Variants in KDM4C observed in about 807,000 individuals in gnomAD.
KDM4C encodes the protein lysine-specific demethylase 4C.
In KDM4C, 81 loss-of-function variants were observed where a neutral mutation model predicts 129.3. That is an observed-to-expected ratio of 0.63 (90% CI 0.52 to 0.75). The LOEUF (loss-of-function observed/expected upper bound fraction) is 0.75. Among genes scored for constraint, KDM4C ranks in the 30% least tolerant of loss-of-function variants. The pLI is 0.00. For synonymous variants in KDM4C, 573 were observed against 456.1 expected, an observed-to-expected ratio of 1.26 and a Z score of -3.26; for missense variants, 1,457 against 1,304.0, an observed-to-expected ratio of 1.12 and a Z score of -1.81.
intron 8 of KDM4C, among the ~76,000 whole-genome samples, chr9:6,918,800 G>C (rs992780615): frequency 4.6e-5 from 7 of 151,448 alleles, no homozygotes; most frequent in Admixed American, 3.3e-4. Context: ...TCATATCTTT[G>C]TTGGCCGCTT....
chr9:6,992,559 A>G (rs988259886), intron 12 of KDM4C, among the ~76,000 whole-genome samples: 14 of 152,214 alleles, frequency 9.2e-5, no homozygotes, highest in South Asian at 2.1e-4. Context: ...GCAACAGAGA[A>G]TATTCTGTTG....
chr9:7,126,042 A>T (rs1261276086), intron 18 of KDM4C, among the ~76,000 whole-genome samples: 1 of 152,210 alleles, frequency 6.6e-6, no homozygotes, highest in Admixed American at 6.5e-5. Context: ...AACCCAAATG[A>T]CAACAAACTA....
chr9:7,140,732 T>C (rs1841662807), intron 19 of KDM4C, among the ~76,000 whole-genome samples: 1 of 152,106 alleles, frequency 6.6e-6, no homozygotes, highest in East Asian at 1.9e-4. Flanking sequence ...TCTGGGAAAA[T>C]GATAGCAGTA....
chr9:6,830,140 C>T (rs115194691), intron 4 of KDM4C, among the ~76,000 whole-genome samples: 2,803 of 152,094 alleles, frequency 0.018, 72 homozygotes, highest in African/African-American at 0.063. Flanking sequence ...AGGAGAAATA[C>T]GGATACAAAT....
intron 2 of KDM4C, among the ~76,000 whole-genome samples, chr9:6,801,482 C>G (rs1460915916): frequency 1.3e-5 from 2 of 151,308 alleles, no homozygotes; most frequent in African/African-American, 2.4e-5. Flanking sequence ...CGTGATCCAC[C>G]CGCCTTGGCC....
At chr9:6,778,494 C>CGGTA (rs912161198) in intron 1 of KDM4C, among the ~76,000 whole-genome samples, 3 of 151,280 alleles carry the variant, frequency 2.0e-5, no homozygotes, top group Non-Finnish European at 4.4e-5. Flanking sequence ...AGGCCCGGTG[C>CGGTA]GGTAGCTCAC....
intron 8 of KDM4C, among the ~76,000 whole-genome samples, chr9:6,973,228 A>T (rs980414184): frequency 1.3e-5 from 2 of 152,128 alleles, no homozygotes; most frequent in Non-Finnish European, 2.9e-5. Flanking sequence ...TTCTCCCCAG[A>T]TATGGGGTCT....
At chr9:7,051,120 A>G (rs1830097989) in intron 17 of KDM4C, among the ~76,000 whole-genome samples, 1 of 152,142 alleles carries the variant, frequency 6.6e-6, no homozygotes, top group Admixed American at 6.6e-5. Flanking sequence ...CAGCCTCTTG[A>G]CCAGATTATT....
intron 8 of KDM4C, among the ~76,000 whole-genome samples, chr9:6,927,700 A>G (rs932198611): frequency 1.3e-5 from 2 of 152,122 alleles, no homozygotes; most frequent in Non-Finnish European, 2.9e-5. Context: ...TTTTTCATCT[A>G]CGTATCAACC....
chr9:6,937,220 A>T (rs925230428), intron 8 of KDM4C, among the ~76,000 whole-genome samples: 4 of 152,220 alleles, frequency 2.6e-5, no homozygotes, highest in Non-Finnish European at 5.9e-5. Context: ...GCGAGTAATT[A>T]AAAATTTACT....
chr9:6,826,000 C>T (rs556036395), intron 4 of KDM4C, among the ~76,000 whole-genome samples: 44 of 152,086 alleles, frequency 2.9e-4, no homozygotes, highest in African/African-American at 8.9e-4. Flanking sequence ...TTTGTAGAGA[C>T]GGGATTTCAC....
chr9:6,796,478 T>G (rs1280165903), intron 2 of KDM4C, among the ~76,000 whole-genome samples: 2 of 152,180 alleles, frequency 1.3e-5, no homozygotes, highest in African/African-American at 4.8e-5. Flanking sequence ...AAACATGTAC[T>G]GTGTTCCACT....
intron 1 of KDM4C, among the ~76,000 whole-genome samples, chr9:6,774,059 T>C (rs1029205717): frequency 8.5e-5 from 13 of 152,092 alleles, no homozygotes; most frequent in Non-Finnish European, 2.9e-5. Flanking sequence ...GGTTAATTTT[T>C]GTACTTTTAG....
intron 17 of KDM4C, among the ~76,000 whole-genome samples, chr9:7,083,707 A>G (rs1834796059): frequency 1.3e-5 from 1 of 78,648 alleles, no homozygotes; most frequent in South Asian, 4.3e-4. Context: ...GTAGCACATG[A>G]CTGATGTGTG....
chr9:6,836,508 G>C (rs1261430561), intron 4 of KDM4C, among the ~76,000 whole-genome samples: 1 of 152,162 alleles, frequency 6.6e-6, no homozygotes, highest in African/African-American at 2.4e-5. Context: ...AACATTAACA[G>C]CACTGCTCAG....
intron 12 of KDM4C, among the ~76,000 whole-genome samples, chr9:6,992,007 TGAG>T (rs1189456115): frequency 7.1e-6 from 1 of 141,032 alleles, no homozygotes; most frequent in Admixed American, 7.7e-5. Flanking sequence ...ATCATAATGT[TGAG>T]TTCTTTTTCT....
At chr9:7,137,733 G>A (rs1490589997) in intron 19 of KDM4C, among the ~76,000 whole-genome samples, 1 of 152,206 alleles carries the variant, frequency 6.6e-6, no homozygotes, top group African/African-American at 2.4e-5. Flanking sequence ...ACAGGGAGCT[G>A]CCTGTTTACA....
At chr9:6,834,705 A>C (rs1269451117) in intron 4 of KDM4C, 7 of 873,076 alleles carry the variant, frequency 8.0e-6, no homozygotes, top group African/African-American at 1.6e-5. Flanking sequence ...AACATGGAGA[A>C]GATCTGGCAC....
At chr9:7,148,192 G>A (rs1463660041) in intron 19 of KDM4C, among the ~76,000 whole-genome samples, 1 of 152,246 alleles carries the variant, frequency 6.6e-6, no homozygotes, top group Non-Finnish European at 1.5e-5. Flanking sequence ...GCGCCCAAAA[G>A]CTTGGAGACG....
Sources: allele counts gnomAD v4.1 joint callset (sites outside exome capture counted in the v4.1 genomes callset), GRCh38; gene constraint gnomAD v4.1.1; transcripts MANE v1.5; gene names NCBI Gene and HGNC (gene_info 2026-07-23, HGNC 2026-07-21).